ARL13B: variants seen among roughly 807,000 people sequenced by gnomAD.
The protein encoded by ARL13B is ADP-ribosylation factor-like protein 13B.
Under a neutral mutation model 56.1 loss-of-function variants are expected in ARL13B, and 36 were observed. The ratio of observed to expected loss-of-function variants is 0.64; its 90% confidence interval spans 0.49 to 0.85. ARL13B has a LOEUF of 0.85. Ranked by LOEUF, ARL13B falls within the 40% of genes least tolerant of loss-of-function variation. The pLI is 0.00. For synonymous variants in ARL13B, 178 were observed against 171.1 expected, an observed-to-expected ratio of 1.04 and a Z score of -0.32; for missense variants, 519 against 507.1, an observed-to-expected ratio of 1.02 and a Z score of -0.23.
rs1290650278 is a variant in ARL13B, at chr3:94,036,481, T to A, written c.487-71T>A. On this transcript the variant is annotated intron_variant, in intron 4 of 9. Transcript: ENST00000394222. ...CTTAATTTTGATTTGCCATTAATTA[T>A]ACTTAATGGTTTATGAATAGATTTG... is the stretch of plus-strand genomic sequence containing the variant. 9.3e-5 allele frequency: 139 copies of A among 1,496,014 alleles called. 1 individual carries two copies. The highest frequency in any genetic ancestry group is 7.4e-6 in the Non-Finnish European group (8 of 1,081,732). 92.7% of individuals were successfully genotyped at this position (1,496,014 alleles called of 1,614,324 possible). A position where few individuals can be genotyped will look rare whatever the true frequency, so the allele number is the denominator to read the frequency against.
chr3:93,996,975 A>G (rs929275083), intron 2 of ARL13B, among the ~76,000 whole-genome samples: 5 of 152,058 alleles, frequency 3.3e-5, no homozygotes, highest in Non-Finnish European at 7.4e-5. Flanking sequence ...GATTCTTAGG[A>G]CCATGAACCC....
chr3:93,994,613 C>T (rs1050638078), intron 1 of ARL13B, among the ~76,000 whole-genome samples: 7 of 152,102 alleles, frequency 4.6e-5, no homozygotes, highest in African/African-American at 1.2e-4. Flanking sequence ...AAGTGTGTCT[C>T]AAATACCTAG....
intron 1 of ARL13B, among the ~76,000 whole-genome samples, chr3:93,982,354 G>A (rs1283022272): frequency 2.0e-5 from 3 of 152,182 alleles, no homozygotes; most frequent in African/African-American, 4.8e-5. Flanking sequence ...CTGTCCAGTA[G>A]GGTAACAACG....
At chr3:94,039,579 T>C (rs959952643) in intron 5 of ARL13B, among the ~76,000 whole-genome samples, 5 of 152,028 alleles carry the variant, frequency 3.3e-5, no homozygotes, top group Admixed American at 3.3e-4. Context: ...GGAGGGTAAT[T>C]AATAAGTTGA....
chr3:94,049,769 A>G (rs1333930500), intron 8 of ARL13B, among the ~76,000 whole-genome samples: 1 of 152,052 alleles, frequency 6.6e-6, no homozygotes, highest in East Asian at 1.9e-4. Flanking sequence ...TTTACCCAGT[A>G]TTTCCTAGAA....
In ARL13B at chr3:94,044,797, C is replaced by T. The variant is rs552967675; in HGVS notation, c.1024+1557C>T. The stretch of plus-strand genomic sequence containing the variant: ...ATGGGAAGTGAGGAGCGCCTCTGCC[C>T]GGCCGCGCCGTCTGGGAAGTGGGGA... On this transcript the variant is annotated intron_variant, in intron 7 of 9. Coordinates refer to ENST00000394222, the MANE Select transcript of ARL13B (RefSeq NM_001174150.2). 1.7e-4 allele frequency among the ~76,000 whole-genome samples: 24 copies of T among 144,436 alleles called. No homozygotes were observed. The South Asian group carries it at 2.9e-3, about 18-fold the overall frequency. 94.8% of individuals were successfully genotyped at this position (144,436 alleles called of 152,430 possible).
chr3:94,053,012 A>C (rs1297592932), intron 9 of ARL13B, among the ~76,000 whole-genome samples, 175 bp from the exon 10 acceptor site: 1 of 152,194 alleles, frequency 6.6e-6, no homozygotes, highest in African/African-American at 2.4e-5. Context: ...GCCATCTCTT[A>C]AGATTTAAAA....
At chr3:93,987,408 T>C (rs1357865217) in intron 1 of ARL13B, among the ~76,000 whole-genome samples, 2 of 152,216 alleles carry the variant, frequency 1.3e-5, no homozygotes, top group Admixed American at 1.3e-4. Flanking sequence ...ACTTGAACAA[T>C]ATTAATTATT....
chr3:94,006,610 C>G (rs1242514598), intron 3 of ARL13B, among the ~76,000 whole-genome samples: 1 of 152,108 alleles, frequency 6.6e-6, no homozygotes, highest in Non-Finnish European at 1.5e-5. Context: ...ACACTGCCAG[C>G]AGTTCTTTTC....
intron 6 of ARL13B, among the ~76,000 whole-genome samples, chr3:94,040,269 A>C (rs1172370046): frequency 2.0e-5 from 3 of 152,136 alleles, no homozygotes; most frequent in African/African-American, 4.8e-5. Context: ...GTGTTGACAA[A>C]TCTATTCTGT....
intron 7 of ARL13B, among the ~76,000 whole-genome samples, chr3:94,045,040 A>T (rs538695159): frequency 8.5e-5 from 13 of 152,320 alleles, no homozygotes; most frequent in Admixed American, 2.6e-4. Flanking sequence ...GAGAGATCAG[A>T]TGGTTACTGT....
At position 93,986,342 on chromosome 3, in the gene ARL13B, G is replaced by C. The variant is rs577144940; in HGVS notation, c.59+5860G>C. 1.1e-4 allele frequency among the ~76,000 whole-genome samples: 16 copies of C among 152,228 alleles called. 1 individual carries two copies. The South Asian group carries it at 2.9e-3, about 28-fold the overall frequency. On this transcript the variant is annotated intron_variant, in intron 1 of 9. Coordinates refer to ENST00000394222, the MANE Select transcript of ARL13B (RefSeq NM_001174150.2). ...AGTAAATTTAGATAATGATTTTGCT[G>C]TAATATGGGGTTCTAGATCTGAATT...
chr3:94,029,429 C>CCTCCGT (rs1295964578), intron 3 of ARL13B, among the ~76,000 whole-genome samples: 1 of 144,904 alleles, frequency 6.9e-6, no homozygotes. Context: ...CTCACTGCAA[C>CCTCCGT]CTCCGTCTCC....
intron 3 of ARL13B, chr3:94,014,603 C>A: frequency 6.2e-7 from 1 of 1,613,002 alleles, no homozygotes; most frequent in South Asian, 1.1e-5. Context: ...ATTTGGTTCT[C>A]CAAATTAACA....
chr3:93,990,068 G>A (rs1362617362), intron 1 of ARL13B, among the ~76,000 whole-genome samples: 7 of 152,068 alleles, frequency 4.6e-5, no homozygotes, highest in Non-Finnish European at 1.0e-4. Context: ...GCAATGGCAC[G>A]ATCTCAGCTC....
Position 94,035,398 on chromosome 3 carries a change from G to GA in ARL13B, c.453dup (p.Leu152IlefsTer4). On this transcript the variant is annotated frameshift_variant, in exon 4 of 10. Coordinates refer to ENST00000394222, the MANE Select transcript of ARL13B (RefSeq NM_001174150.2). LOFTEE classifies it high-confidence loss of function. Reference sequence around the variant, plus strand: ...TGATGTCATTGAATGTCTATCTCTGGAAAAATTGGTCAATGAGCACAAGTG... The same window carrying GA: ...TGATGTCATTGAATGTCTATCTCTGGAAAAAATTGGTCAATGAGCACAAGTG... 1 of 1,604,746 alleles carries GA rather than the reference G, an allele frequency of 6.2e-7. No individual in the cohort carries two copies. The highest frequency in any genetic ancestry group is 8.5e-7 in the Non-Finnish European group (1 of 1,177,516).
In ARL13B at chr3:94,043,165, G is replaced by A. The variant is rs758650562; in HGVS notation, c.949G>A (p.Val317Ile). The A allele has an allele frequency of 1.3e-5, 21 of 1,613,520 alleles. No individual in the cohort carries two copies. In the Admixed American group the frequency reaches 1.3e-4, roughly 10 times the overall value. Reference protein sequence around the residue: ...NGQKNNEFGLVENYKEALTQQ... With the variant: ...NGQKNNEFGLIENYKEALTQQ... Reference sequence around the variant, plus strand: ...CCAAAAAAATAATGAATTTGGACTAGTAGAAAATTATAAGGAGGCATTAAC... The same window carrying A: ...CCAAAAAAATAATGAATTTGGACTAATAGAAAATTATAAGGAGGCATTAAC... The change falls in exon 7 of 10, where the codon GTA becomes ATA. Residue 317 changes from valine to isoleucine, a missense_variant. Val to Ile is a conservative substitution (Grantham distance 29). Transcript: ENST00000394222.
intron 3 of ARL13B, among the ~76,000 whole-genome samples, chr3:94,032,478 G>GAA (rs926242297): frequency 1.3e-5 from 2 of 152,078 alleles, no homozygotes; most frequent in African/African-American, 4.8e-5. Flanking sequence ...AATCACTATG[G>GAA]AAAACAGTAT....
chr3:94,026,568 A>C (rs1404157218), intron 3 of ARL13B, among the ~76,000 whole-genome samples: 1 of 152,194 alleles, frequency 6.6e-6, no homozygotes, highest in Non-Finnish European at 1.5e-5. Flanking sequence ...CATGAATTAG[A>C]ATGTTAGGCA....
Sources: allele counts gnomAD v4.1 joint callset (sites outside exome capture counted in the v4.1 genomes callset), GRCh38; gene constraint gnomAD v4.1.1; transcripts MANE v1.5; gene names NCBI Gene and HGNC (gene_info 2026-07-23, HGNC 2026-07-21).